Variants in CDS2 observed in about 807,000 individuals in gnomAD.
CDS2 encodes the protein phosphatidate cytidylyltransferase 2.
In CDS2, 47 loss-of-function variants were observed where a neutral mutation model predicts 59.0. The observed-to-expected ratio is 0.80, with a 90% CI of 0.63 to 1.02. The LOEUF (loss-of-function observed/expected upper bound fraction) is 1.02. Among genes scored for constraint, CDS2 ranks in the 50% least tolerant of loss-of-function variants. The pLI, the probability that CDS2 is intolerant of heterozygous loss-of-function variation, is 0.00. For missense variants in CDS2, 356 were observed against 558.9 expected (o/e 0.64, Z 3.66); for synonymous variants, 207 against 206.4 (o/e 1.00, Z -0.02).
intron 1 of CDS2, among the ~76,000 whole-genome samples, chr20:5,137,820 A>G (rs1304637564): frequency 2.0e-5 from 3 of 150,712 alleles, no homozygotes; most frequent in African/African-American, 7.3e-5. Context: ...TTTTTTTGAG[A>G]CGGAGTCTCG....
chr20:5,134,614 G>A (rs1293627960), intron 1 of CDS2, among the ~76,000 whole-genome samples: 1 of 152,000 alleles, frequency 6.6e-6, no homozygotes, highest in East Asian at 1.9e-4. Context: ...TCTGCCTCCC[G>A]AGTTCAAGTG....
chr20:5,161,476 C>T (rs535657513), intron 1 of CDS2, among the ~76,000 whole-genome samples: 1 of 152,212 alleles, frequency 6.6e-6, no homozygotes, highest in Admixed American at 6.5e-5. Flanking sequence ...TGATCCAAGC[C>T]CAGCAGAGTC....
intron 1 of CDS2, among the ~76,000 whole-genome samples, chr20:5,160,060 CGAT>C (rs147292612): frequency 0.073 from 11,132 of 152,104 alleles, 462 homozygotes; most frequent in Middle Eastern, 0.16. Flanking sequence ...GCTCATATGC[CGAT>C]GATGATGAAG....
At position 5,130,951 on chromosome 20, in the gene CDS2, C is replaced by T. The variant is rs868393853; in HGVS notation, c.57+3802C>T. 4.0e-5 allele frequency among the ~76,000 whole-genome samples: 6 copies of T among 151,808 alleles called. No homozygotes were observed. The East Asian group carries it at 5.8e-4, about 15-fold the overall frequency. ...CTAAAAATACAAAAAATTAGCCGGG[C>T]GTGGTGGTGGGCGCCTGTAGTCCCA... On this transcript the variant is annotated intron_variant, in intron 1 of 12. Coordinates refer to ENST00000460006, the MANE Select transcript of CDS2 (RefSeq NM_003818.4).
rs113927874 is a variant in CDS2, at chr20:5,191,340, A to G, written c.*1106A>G. ...TGAAGATTAAATGCACACTTTTTATATAATGTGACCAGTTTAAATGTAGTT... is the reference window on the plus strand; with the variant it reads ...TGAAGATTAAATGCACACTTTTTATGTAATGTGACCAGTTTAAATGTAGTT... On this transcript the variant is annotated 3_prime_UTR_variant, in exon 13 of 13. Transcript: ENST00000460006. The G allele has an allele frequency of 9.2e-5, 14 of 152,342 alleles. No individual in the cohort carries two copies. Among genetic ancestry groups the G allele is most frequent in the African/African-American group, 3.4e-4 (14 of 41,574 alleles). 9.4% of individuals were successfully genotyped at this position (152,342 alleles called of 1,614,324 possible). A position where few individuals can be genotyped will look rare whatever the true frequency, so the allele number is the denominator to read the frequency against.
intron 5 of CDS2, among the ~76,000 whole-genome samples, chr20:5,179,969 A>G (rs928943482): frequency 6.6e-6 from 1 of 152,216 alleles, no homozygotes. Context: ...ACTTCTGTGA[A>G]TGACACCTGA....
chr20:5,162,304 A>T (rs947257828), intron 1 of CDS2, among the ~76,000 whole-genome samples: 2 of 152,180 alleles, frequency 1.3e-5, no homozygotes, highest in Non-Finnish European at 2.9e-5. Context: ...CTGATTAGGG[A>T]TGCTCAGCCA....
At chr20:5,137,181 G>T (rs1282658693) in intron 1 of CDS2, among the ~76,000 whole-genome samples, 1 of 151,054 alleles carries the variant, frequency 6.6e-6, no homozygotes, top group East Asian at 2.0e-4. Flanking sequence ...CTGTGTCATG[G>T]ATCTTGATTC....
chr20:5,134,548 TTC>T (rs1387849149), intron 1 of CDS2, among the ~76,000 whole-genome samples: 3 of 152,188 alleles, frequency 2.0e-5, no homozygotes, highest in Non-Finnish European at 4.4e-5. Flanking sequence ...GAGATGGAGT[TTC>T]TCTCTTGTTG....
rs545169231 is a variant in CDS2 at position 5,194,913 on chromosome 20, G to A, written c.*4679G>A. Reference sequence around the variant, plus strand: ...GGCATAGTGCTAAGGGTTTACATACGTTATCCCTTTTAATCCAGAAAACAG... The same window carrying A: ...GGCATAGTGCTAAGGGTTTACATACATTATCCCTTTTAATCCAGAAAACAG... On this transcript the variant is annotated 3_prime_UTR_variant, in exon 13 of 13. Transcript: ENST00000460006. 1.3e-5 allele frequency: 2 copies of A among 152,228 alleles called. No individual in the cohort carries two copies. The highest frequency in any genetic ancestry group is 1.9e-4 in the East Asian group (1 of 5,188). 9.4% of individuals were successfully genotyped at this position (152,228 alleles called of 1,614,324 possible). A position where few individuals can be genotyped will look rare whatever the true frequency, so the allele number is the denominator to read the frequency against.
At chr20:5,186,643 T>G (rs1600516600) in intron 9 of CDS2, 44 bp from the exon 10 acceptor site, 1 of 1,608,304 alleles carries the variant, frequency 6.2e-7, no homozygotes, top group South Asian at 1.1e-5. Flanking sequence ...GGCTGGATGG[T>G]TGGAACTTAC....
At chr20:5,165,985 T>C (rs6038080) in intron 1 of CDS2, among the ~76,000 whole-genome samples, 22,270 of 152,194 alleles carry the variant, frequency 0.15, 2,121 homozygotes, top group African/African-American at 0.26. Flanking sequence ...GGGGCTTGTA[T>C]GCCATTTTGA....
chr20:5,179,796 C>G (rs1452960363), intron 5 of CDS2, among the ~76,000 whole-genome samples: 1 of 152,190 alleles, frequency 6.6e-6, no homozygotes, highest in East Asian at 1.9e-4. Context: ...ACTTCACAAA[C>G]ATTAAAGCGT....
At chr20:5,130,138 A>G (rs1226077896) in intron 1 of CDS2, among the ~76,000 whole-genome samples, 2 of 151,566 alleles carry the variant, frequency 1.3e-5, no homozygotes, top group Admixed American at 6.6e-5. Context: ...ACGACTGGCT[A>G]ATTTTTTTGT....
intron 8 of CDS2, among the ~76,000 whole-genome samples, chr20:5,185,189 G>A (rs8119108): frequency 0.025 from 3,819 of 152,260 alleles, 66 homozygotes; most frequent in East Asian, 0.08. Context: ...GGGATGCTGA[G>A]GCAGGAGGAT....
rs143859713 is a variant in CDS2, at chr20:5,190,182, G to A, written c.1286G>A (p.Arg429Gln). ...CAGCTCCACATCTTCAACACGCTGC[G>A]GTCTCATCTGATCGACAAAGGGATG... The part of the protein sequence containing the change: ...DQQLHIFNTL[R>Q]SHLIDKGMLT... Residue 429 changes from arginine to glutamine, a missense_variant, in exon 13 of 13, where the codon CGG becomes CAG. By Grantham distance (43) the Arg-to-Gln change is conservative. Around this residue, in one of 5 missense-constraint regions of CDS2, gnomAD observed 33 missense variants for 27.9 expected, o/e 1.18. Coordinates refer to ENST00000460006, the MANE Select transcript of CDS2 (RefSeq NM_003818.4). 40 of 1,613,804 alleles carry A rather than the reference G, an allele frequency of 2.5e-5. No individual in the cohort carries two copies. Among genetic ancestry groups the A allele is most frequent in the South Asian group, 1.8e-4 (16 of 91,066 alleles).
rs1055228928 is a variant in CDS2 at position 5,155,282 on chromosome 20, C to T, written c.58-18241C>T. On this transcript the variant is annotated intron_variant, in intron 1 of 12. Coordinates refer to ENST00000460006, the MANE Select transcript of CDS2 (RefSeq NM_003818.4). Reference sequence around the variant, plus strand: ...AAGGTTGTCTTTCCCGCACAAATGCCGGCAAAGCCAGTATTGCAGGCCTTG... The same window carrying T: ...AAGGTTGTCTTTCCCGCACAAATGCTGGCAAAGCCAGTATTGCAGGCCTTG... Among the ~76,000 whole-genome samples, 7 of 151,892 alleles carry T rather than the reference C, an allele frequency of 4.6e-5. 1 individual carries two copies. Among genetic ancestry groups the T allele is most frequent in the Admixed American group, 3.3e-4 (5 of 15,250 alleles).
At chr20:5,174,428 A>G (rs916375076) in intron 2 of CDS2, among the ~76,000 whole-genome samples, 12 of 152,212 alleles carry the variant, frequency 7.9e-5, no homozygotes, top group Non-Finnish European at 1.3e-4. Context: ...TAATATATGT[A>G]AAGTCCTCAT....
At chr20:5,136,138 G>A (rs2090647990) in intron 1 of CDS2, among the ~76,000 whole-genome samples, 1 of 152,096 alleles carries the variant, frequency 6.6e-6, no homozygotes, top group Non-Finnish European at 1.5e-5. Flanking sequence ...CCCTGAGTGG[G>A]CAACTCTCAG....
Sources: allele counts gnomAD v4.1 joint callset (sites outside exome capture counted in the v4.1 genomes callset), GRCh38; gene constraint gnomAD v4.1.1; regional missense constraint gnomAD v4.1.1; transcripts MANE v1.5; gene names NCBI Gene and HGNC (gene_info 2026-07-23, HGNC 2026-07-21).